Variants in CPNE4 observed in about 807,000 individuals in gnomAD.
CPNE4 encodes the protein copine 4.
A neutral mutation model predicts 67.9 loss-of-function variants in CPNE4; 25 were observed. The ratio of observed to expected loss-of-function variants is 0.37; its 90% confidence interval spans 0.27 to 0.51. The LOEUF is 0.51. Among genes scored for constraint, CPNE4 ranks in the 20% least tolerant of loss-of-function variants. The probability of loss-of-function intolerance (pLI) is 0.93; values close to 1 mark genes in which losing one functional copy is unlikely to be tolerated. For synonymous variants in CPNE4, 242 were observed against 244.9 expected, an observed-to-expected ratio of 0.99 and a Z score of 0.11; for missense variants, 464 against 690.8, an observed-to-expected ratio of 0.67 and a Z score of 3.68.
intron 1 of CPNE4, among the ~76,000 whole-genome samples, chr3:132,034,365 G>T (rs1448616183): frequency 6.6e-6 from 1 of 152,202 alleles, no homozygotes; most frequent in Admixed American, 6.5e-5. Context: ...GTCAGAAGGC[G>T]AGAGGTAGGG....
intron 1 of CPNE4, among the ~76,000 whole-genome samples, chr3:131,981,386 G>T (rs1270653523): frequency 6.6e-6 from 1 of 152,074 alleles, no homozygotes; most frequent in Non-Finnish European, 1.5e-5. Flanking sequence ...TGGGGAATGG[G>T]GGTGAGATTC....
chr3:131,935,297 T>C (rs1300364679), intron 1 of CPNE4, among the ~76,000 whole-genome samples: 1 of 152,058 alleles, frequency 6.6e-6, no homozygotes, highest in African/African-American at 2.4e-5. Flanking sequence ...CTGGATAGAA[T>C]AAAAATGAAA....
rs918607559 is a variant in CPNE4 at position 131,981,185 on chromosome 3, G to T, written c.-2+53382C>A. ...CTGGTTGGCCTCCTGTCAGGAGGTG[G>T]CGCTTTCCAGAGAGCATCAGCTGTG... is the stretch of plus-strand genomic sequence containing the variant. On this transcript the variant is annotated intron_variant, in intron 1 of 15. Transcript: ENST00000429747. Among the ~76,000 whole-genome samples, 40 of 152,230 alleles carry T rather than the reference G, an allele frequency of 2.6e-4. 1 individual carries two copies. Among genetic ancestry groups the T allele is most frequent in the South Asian group, 1.0e-3 (5 of 4,818 alleles).
intron 1 of CPNE4, among the ~76,000 whole-genome samples, chr3:132,024,463 CTG>C (rs1285295031): frequency 1.3e-5 from 2 of 150,580 alleles, no homozygotes; most frequent in Non-Finnish European, 3.0e-5. Context: ...AGTGGAAGGA[CTG>C]TACATTTTGG....
intron 7 of CPNE4, among the ~76,000 whole-genome samples, chr3:131,662,263 C>T (rs2080145902): frequency 6.6e-6 from 1 of 152,108 alleles, no homozygotes; most frequent in South Asian, 2.1e-4. Context: ...CAGTCTGGCT[C>T]AGAGAGGCCA....
At chr3:131,919,473 C>A (rs1445399389) in intron 1 of CPNE4, among the ~76,000 whole-genome samples, 1 of 152,086 alleles carries the variant, frequency 6.6e-6, no homozygotes, top group Non-Finnish European at 1.5e-5. Flanking sequence ...GCTGTATGAT[C>A]CCAATTTTGT....
chr3:131,824,432 A>T (rs1345277899), intron 2 of CPNE4, among the ~76,000 whole-genome samples: 2 of 152,232 alleles, frequency 1.3e-5, no homozygotes, highest in African/African-American at 2.4e-5. Flanking sequence ...TTTATGGTAC[A>T]TCAGCAACCT....
rs540865681 is a variant in CPNE4 at position 131,674,111 on chromosome 3, C to T, written c.592-4347G>A. 2.6e-5 allele frequency among the ~76,000 whole-genome samples: 4 copies of T among 152,064 alleles called. No homozygotes were observed. In the South Asian group the frequency reaches 6.2e-4, roughly 24 times the overall value. On this transcript the variant is annotated intron_variant, in intron 6 of 15. Coordinates refer to ENST00000429747, the MANE Select transcript of CPNE4 (RefSeq NM_130808.3). ...CCTTCATTCTGTTGGTATGATGTAT[C>T]ACATTGATTGATTTGCATATGTTAA...
chr3:131,949,098 TA>T (rs2071644259), intron 1 of CPNE4, among the ~76,000 whole-genome samples: 1 of 152,228 alleles, frequency 6.6e-6, no homozygotes, highest in Non-Finnish European at 1.5e-5. Flanking sequence ...TGATTATATG[TA>T]AAGGACTGAG....
chr3:131,792,455 G>A (rs1308770762), intron 2 of CPNE4, among the ~76,000 whole-genome samples: 2 of 150,586 alleles, frequency 1.3e-5, no homozygotes, highest in African/African-American at 2.4e-5. Context: ...CTCAACCTAT[G>A]GCATGAAATA....
chr3:131,952,710 T>C (rs2071799228), intron 1 of CPNE4, among the ~76,000 whole-genome samples: 1 of 151,762 alleles, frequency 6.6e-6, no homozygotes, highest in South Asian at 2.1e-4. Context: ...GAGGAGCCCC[T>C]CTGCCCGGCC....
At chr3:132,022,359 A>T (rs917918474) in intron 1 of CPNE4, among the ~76,000 whole-genome samples, 5 of 152,220 alleles carry the variant, frequency 3.3e-5, no homozygotes, top group Non-Finnish European at 5.9e-5. Context: ...AAATTTGAGA[A>T]TTCTTGACAA....
At position 131,996,390 on chromosome 3, in the gene CPNE4, A is replaced by G. The variant is rs371140326; in HGVS notation, c.-2+38177T>C. On this transcript the variant is annotated intron_variant, in intron 1 of 15. Transcript: ENST00000429747. Reference sequence around the variant, plus strand: ...AGAAAAGCTGGAGATGAAAAAGTCAACAAGTAGGAGGGAAAAGAGTCATTG... The same window carrying G: ...AGAAAAGCTGGAGATGAAAAAGTCAGCAAGTAGGAGGGAAAAGAGTCATTG... Among the ~76,000 whole-genome samples the G allele has an allele frequency of 8.5e-5, 13 of 152,242 alleles. 1 individual carries two copies. The highest frequency in any genetic ancestry group is 3.1e-4 in the African/African-American group (13 of 41,542).
intron 1 of CPNE4, among the ~76,000 whole-genome samples, chr3:131,994,396 T>C (rs2073239510): frequency 7.4e-6 from 1 of 135,974 alleles, no homozygotes; most frequent in African/African-American, 2.5e-5. Context: ...TGTCAGCTTC[T>C]TGCTTCTCAA....
intron 2 of CPNE4, among the ~76,000 whole-genome samples, chr3:131,753,996 T>C (rs1306880991): frequency 6.6e-6 from 1 of 152,158 alleles, no homozygotes; most frequent in Non-Finnish European, 1.5e-5. Context: ...ACTATACCAC[T>C]GTTTTTAGTG....
At chr3:131,922,317 C>T (rs754312536) in intron 1 of CPNE4, among the ~76,000 whole-genome samples, 21 of 152,100 alleles carry the variant, frequency 1.4e-4, no homozygotes, top group South Asian at 4.1e-4. Context: ...TTATCCAATC[C>T]GCTGTTGATG....
intron 3 of CPNE4, among the ~76,000 whole-genome samples, chr3:131,714,488 G>T (rs2107728766): frequency 6.6e-6 from 1 of 152,262 alleles, no homozygotes; most frequent in Non-Finnish European, 1.5e-5. Flanking sequence ...ACTTTTTTCT[G>T]TTCACCAGAT....
At chr3:131,740,942 T>A (rs922078749) in intron 2 of CPNE4, among the ~76,000 whole-genome samples, 1 of 152,216 alleles carries the variant, frequency 6.6e-6, no homozygotes, top group Non-Finnish European at 1.5e-5. Context: ...CCTTTGCCTT[T>A]GCTGTCAACT....
At chr3:131,965,981 T>TC (rs1393740093) in intron 1 of CPNE4, among the ~76,000 whole-genome samples, 1 of 152,076 alleles carries the variant, frequency 6.6e-6, no homozygotes, top group Non-Finnish European at 1.5e-5. Flanking sequence ...AGTAAAACAC[T>TC]CCTCAGCAAA....
Sources: gnomAD v4.1 joint callset for allele counts (sites outside exome capture counted in the v4.1 genomes callset) on GRCh38, gnomAD v4.1.1 for gene constraint, MANE v1.5 for transcripts, NCBI Gene and HGNC (gene_info 2026-07-23, HGNC 2026-07-21) for gene names.